The following STK3 variants were observed in gnomAD, a reference collection of about 807,000 sequenced individuals.
STK3 encodes serine/threonine kinase 3.
STK3 carries 41 observed loss-of-function variants against 58.0 expected under a neutral mutation model. The ratio of observed to expected loss-of-function variants is 0.71; its 90% CI spans 0.55 to 0.92. The LOEUF (loss-of-function observed/expected upper bound fraction) is 0.92. Ranked by LOEUF, STK3 falls within the 40% of genes least tolerant of loss-of-function variation. The probability of loss-of-function intolerance (pLI) is 0.00; values close to 1 mark genes in which losing one functional copy is unlikely to be tolerated. For synonymous variants in STK3, 170 were observed against 191.0 expected, an observed-to-expected ratio of 0.89 and a Z score of 0.91; for missense variants, 479 against 602.7, an observed-to-expected ratio of 0.79 and a Z score of 2.15.
intron 2 of STK3, among the ~76,000 whole-genome samples, chr8:98,375,737 C>T (rs1387697463): frequency 6.6e-6 from 1 of 152,114 alleles, no homozygotes; most frequent in Non-Finnish European, 1.5e-5. Flanking sequence ...ACCAAAAGCC[C>T]ATTCCTTTTC....
At chr8:98,776,829 T>G (rs1831712724) in intron 1 of STK3, among the ~76,000 whole-genome samples, 1 of 149,826 alleles carries the variant, frequency 6.7e-6, no homozygotes, top group African/African-American at 2.5e-5. Flanking sequence ...AGGCGGTGGA[T>G]CACGAGGTCA....
chr8:98,737,476 A>G (rs944967616), intron 4 of STK3, among the ~76,000 whole-genome samples: 4 of 152,218 alleles, frequency 2.6e-5, no homozygotes, highest in Non-Finnish European at 5.9e-5. Context: ...AAAAAGGTAC[A>G]TGAATAGAAA....
chr8:98,677,339 CCCCGCCCCCACCGCCA>C (rs1563879525), intron 6 of STK3, among the ~76,000 whole-genome samples: 1 of 133,004 alleles, frequency 7.5e-6, no homozygotes, highest in African/African-American at 2.7e-5. Flanking sequence ...CACCCCCACC[CCCCGCCCCCACCGCCA>C]CCCAACTTAC....
At chr8:98,733,053 C>T (rs777755066) in intron 4 of STK3, among the ~76,000 whole-genome samples, 1 of 152,168 alleles carries the variant, frequency 6.6e-6, no homozygotes, top group South Asian at 2.1e-4. Context: ...GGGTACAACA[C>T]TGGATATTTA....
chr8:98,913,935 T>C (rs2131988097), intron 1 of STK3, among the ~76,000 whole-genome samples: 1 of 152,262 alleles, frequency 6.6e-6, no homozygotes, highest in African/African-American at 2.4e-5. Flanking sequence ...ATTTATCAGG[T>C]GGGAACTGCT....
intron 3 of STK3, among the ~76,000 whole-genome samples, chr8:98,862,646 C>T (rs1836980172): frequency 6.6e-6 from 1 of 152,216 alleles, no homozygotes; most frequent in East Asian, 1.9e-4. Flanking sequence ...TATCACCAGT[C>T]ACAGTCAATG....
chr8:98,749,488 C>T, intron 3 of STK3, 98 bp from the exon 4 acceptor site: 1 of 545,282 alleles, frequency 1.8e-6, no homozygotes, highest in East Asian at 3.0e-5. Context: ...CATACTGTTC[C>T]AATAAGTTAA....
intron 6 of STK3, among the ~76,000 whole-genome samples, chr8:98,604,000 G>A (rs1450908298): frequency 6.6e-6 from 1 of 152,116 alleles, no homozygotes; most frequent in Non-Finnish European, 1.5e-5. Context: ...TAATCAGAAG[G>A]GTCCTAAAAA....
At chr8:98,496,261 TC>T (rs1258073847) in intron 10 of STK3, among the ~76,000 whole-genome samples, 1 of 151,984 alleles carries the variant, frequency 6.6e-6, no homozygotes, top group Admixed American at 6.6e-5. Flanking sequence ...ATGTAGAAAA[TC>T]ATAAGGAATT....
At chr8:98,839,830 G>C (rs138413576) in intron 3 of STK3, among the ~76,000 whole-genome samples, 9 of 152,106 alleles carry the variant, frequency 5.9e-5, no homozygotes, top group African/African-American at 2.2e-4. Context: ...GGCACCTTGC[G>C]AATAAATCAT....
chr8:98,793,191 C>T (rs186971573), intron 1 of STK3, among the ~76,000 whole-genome samples: 20 of 151,814 alleles, frequency 1.3e-4, no homozygotes, highest in African/African-American at 2.2e-4. Flanking sequence ...GGGTGGGAAG[C>T]GGATAAGGGA....
intron 1 of STK3, among the ~76,000 whole-genome samples, chr8:98,824,280 CCT>C (rs1835104952): frequency 1.3e-5 from 2 of 152,188 alleles, no homozygotes; most frequent in South Asian, 4.1e-4. Flanking sequence ...TACACCTGCC[CCT>C]GACTCCTCCA....
At chr8:98,763,199 G>A (rs1358004936) in intron 3 of STK3, among the ~76,000 whole-genome samples, 1 of 152,144 alleles carries the variant, frequency 6.6e-6, no homozygotes, top group Non-Finnish European at 1.5e-5. Flanking sequence ...ACCCACAGAA[G>A]TTGAATCTAG....
At chr8:98,378,554 T>C (rs1343682330) in intron 2 of STK3, among the ~76,000 whole-genome samples, 1 of 152,220 alleles carries the variant, frequency 6.6e-6, no homozygotes, top group African/African-American at 2.4e-5. Flanking sequence ...AGTATTTGGA[T>C]TGTGAGTATA....
At chr8:98,711,753 G>A (rs1023791669) in intron 4 of STK3, among the ~76,000 whole-genome samples, 1 of 152,162 alleles carries the variant, frequency 6.6e-6, no homozygotes, top group Non-Finnish European at 1.5e-5. Context: ...ACCAAGGCAG[G>A]CTACCATTGA....
intron 1 of STK3, among the ~76,000 whole-genome samples, chr8:98,895,414 C>A (rs371066156): frequency 6.6e-6 from 1 of 152,154 alleles, no homozygotes; most frequent in South Asian, 2.1e-4. Context: ...GTATCTAACA[C>A]TCCCTCCTCC....
intron 3 of STK3, among the ~76,000 whole-genome samples, chr8:98,854,698 T>C (rs1836602934): frequency 6.6e-6 from 1 of 151,964 alleles, no homozygotes; most frequent in Admixed American, 6.6e-5. Flanking sequence ...TTAAAGAAGA[T>C]CTAAATAAAT....
At chr8:98,757,765 G>A (rs1326514032) in intron 3 of STK3, among the ~76,000 whole-genome samples, 1 of 151,756 alleles carries the variant, frequency 6.6e-6, no homozygotes, top group African/African-American at 2.4e-5. Flanking sequence ...AAGCCTACTA[G>A]CAGAAGCTAG....
At chr8:98,666,101 T>C (rs551355766) in intron 6 of STK3, among the ~76,000 whole-genome samples, 1 of 151,968 alleles carries the variant, frequency 6.6e-6, no homozygotes, top group African/African-American at 2.4e-5. Context: ...AACTGGTTTA[T>C]CCAGAAAGAA....
Sources: gnomAD v4.1 joint callset for allele counts (sites outside exome capture counted in the v4.1 genomes callset) on GRCh38, gnomAD v4.1.1 for gene constraint, MANE v1.5 for transcripts, NCBI Gene and HGNC (gene_info 2026-07-23, HGNC 2026-07-21) for gene names.